Variants in CCDC47 observed in about 807,000 individuals in gnomAD.
CCDC47 encodes the protein coiled-coil domain containing 47, also known as PAT complex subunit CCDC47.
In CCDC47, 41 loss-of-function variants were observed where a neutral mutation model predicts 60.5. That is an observed-to-expected ratio of 0.68 (90% confidence interval 0.53 to 0.88). The LOEUF (loss-of-function observed/expected upper bound fraction) is 0.88, where lower values mean the gene tolerates loss of function less well. CCDC47 is among the 40% of genes least tolerant of loss of function. The pLI is 0.00. For missense variants in CCDC47, 513 were observed against 580.9 expected (o/e 0.88, Z 1.20); for synonymous variants, 195 against 190.7 (o/e 1.02, Z -0.18).
intron 6 of CCDC47, 79 bp from the exon 7 acceptor site, chr17:63,756,649 T>C (rs528755373): frequency 5.0e-5 from 47 of 935,484 alleles, no homozygotes; most frequent in Admixed American, 4.5e-4. Context: ...ACCCTTAAGA[T>C]TCCCTCCCCG....
intron 12 of CCDC47, 169 bp downstream of exon 12, chr17:63,751,771 A>G: frequency 1.4e-6 from 1 of 725,974 alleles, no homozygotes; most frequent in Non-Finnish European, 2.4e-6. Flanking sequence ...CACGGCTTGA[A>G]CAGGAAGGAT....
intron 1 of CCDC47, among the ~76,000 whole-genome samples, chr17:63,767,724 A>C (rs1325373018): frequency 6.6e-6 from 1 of 152,100 alleles, no homozygotes; most frequent in East Asian, 1.9e-4. Flanking sequence ...TTTAAAAAAA[A>C]CTTTAAAACA....
chr17:63,768,213 C>A (rs140159807), intron 1 of CCDC47, among the ~76,000 whole-genome samples: 10 of 152,334 alleles, frequency 6.6e-5, no homozygotes, highest in South Asian at 2.1e-4. Context: ...TGTACCTTCA[C>A]TAAGCATATC....
In CCDC47 at chr17:63,746,762, T is replaced by C. The variant is rs2039123301; in HGVS notation, c.*119A>G. The stretch of plus-strand genomic sequence containing the variant: ...AACAGAGTAGATGATGAAATAAGGA[T>C]TTCTCAGTTGCCCAAGACTGTCTGA... On this transcript the variant is annotated 3_prime_UTR_variant, in exon 13 of 13. Coordinates refer to ENST00000225726, the MANE Select transcript of CCDC47 (RefSeq NM_020198.3). 13 of 744,546 alleles carry C rather than the reference T, an allele frequency of 1.7e-5. No homozygotes were observed. Among genetic ancestry groups the C allele is most frequent in the Non-Finnish European group, 3.0e-5 (13 of 432,164 alleles). 46.1% of individuals were successfully genotyped at this position (744,546 alleles called of 1,614,324 possible). A position where few individuals can be genotyped will look rare whatever the true frequency, so the allele number is the denominator to read the frequency against.
intron 3 of CCDC47, 40 bp downstream of exon 3, chr17:63,764,700 T>A: frequency 1.3e-6 from 2 of 1,540,172 alleles, no homozygotes; most frequent in Non-Finnish European, 1.8e-6. Context: ...GACAAGACAT[T>A]TTGTTGTTTA....
At chr17:63,754,400 A>C in intron 9 of CCDC47, 33 bp downstream of exon 9, 3 of 1,331,140 alleles carry the variant, frequency 2.3e-6, no homozygotes, top group Non-Finnish European at 3.2e-6. Flanking sequence ...CTAGTGAGGA[A>C]AATTAATTTC....
chr17:63,752,466 G>C, intron 10 of CCDC47, 37 bp from the exon 11 acceptor site: 1 of 1,342,638 alleles, frequency 7.4e-7, no homozygotes, highest in Non-Finnish European at 1.0e-6. Flanking sequence ...TGAGTTAATG[G>C]TAGCATTAAT....
chr17:63,754,496 T>C lies in CCDC47; in HGVS notation c.971A>G (p.Tyr324Cys), dbSNP rs141041702. 1.9e-6 allele frequency: 3 copies of C among 1,608,548 alleles called. No homozygotes were observed. Among genetic ancestry groups the C allele is most frequent in the Non-Finnish European group, 2.5e-6 (3 of 1,176,950 alleles). The change falls in exon 9 of 13, where the codon TAT becomes TGT. Residue 324 changes from tyrosine (Y) to cysteine (C), a missense_variant. Transcript: ENST00000225726. ...ATGAACAGATTCAATCTTGTCAGCA[T>C]AGTGTGTAAGAAAGTGAACCATCTG... ...DTKMVHFLTH[Y>C]ADKIESVHFS...
intron 4 of CCDC47, among the ~76,000 whole-genome samples, chr17:63,763,085 TTTTTA>T (rs1384697998): frequency 1.3e-5 from 2 of 152,092 alleles, no homozygotes; most frequent in Non-Finnish European, 2.9e-5. Flanking sequence ...GACTGGCCAA[TTTTTA>T]TTTTATTTTA....
Position 63,746,985 on chromosome 17 carries a change from T to C in CCDC47, c.1372-24A>G, listed in dbSNP as rs556045997. The C allele has an allele frequency of 1.7e-5, 28 of 1,611,686 alleles. No individual in the cohort carries two copies. In the South Asian group the frequency reaches 2.8e-4, roughly 16 times the overall value. On this transcript the variant is annotated intron_variant, in intron 12 of 12. Transcript: ENST00000225726. ...TCCTAGAGAAAGAAGGGGTAATAAA[T>C]AGAGAAAGGGAGTGGGGACGAGAGA...
intron 1 of CCDC47, among the ~76,000 whole-genome samples, chr17:63,771,331 T>C (rs914878575): frequency 1.3e-5 from 2 of 152,210 alleles, no homozygotes; most frequent in Non-Finnish European, 2.9e-5. Flanking sequence ...GCATAGGTTA[T>C]ACGTAAATAC....
chr17:63,763,608 G>T (rs36003952), intron 4 of CCDC47, among the ~76,000 whole-genome samples: 431 of 151,986 alleles, frequency 2.8e-3, no homozygotes, highest in Non-Finnish European at 4.1e-3. Context: ...GGTGGACCAT[G>T]AGGTCAAGAG....
At chr17:63,772,339 C>T (rs1228572368) in intron 1 of CCDC47, among the ~76,000 whole-genome samples, 1 of 149,738 alleles carries the variant, frequency 6.7e-6, no homozygotes, top group Non-Finnish European at 1.5e-5. Context: ...CTGCAAGCTC[C>T]GCCTCCCGGG....
chr17:63,755,263 G>A (rs141032797), intron 8 of CCDC47: 15 of 982,350 alleles, frequency 1.5e-5, no homozygotes, highest in South Asian at 4.7e-5. Flanking sequence ...CACAGCGCGC[G>A]GACAAGGCTA....
At position 63,760,961 on chromosome 17, in the gene CCDC47, A is replaced by C; in HGVS notation, c.688T>G (p.Leu230Val). Reference sequence around the variant, plus strand: ...ATCATCCGGGCCAGGACATTCAGTAAGTCTTGTCTCTTGAGGAACTGAAAA... The same window carrying C: ...ATCATCCGGGCCAGGACATTCAGTACGTCTTGTCTCTTGAGGAACTGAAAA... ...IQLRFLKRQD[L>V]LNVLARMMRP... The change falls in exon 6 of 13, where the codon TTA (leucine) becomes GTA (valine). Residue 230 changes from leucine to valine, a missense_variant. Coordinates refer to ENST00000225726, the MANE Select transcript of CCDC47 (RefSeq NM_020198.3). 6.2e-7 allele frequency: 1 copy of C among 1,613,818 alleles called. No individual in the cohort carries two copies. The highest frequency in any genetic ancestry group is 1.1e-5 in the South Asian group (1 of 91,072).
At position 63,766,097 on chromosome 17, in the gene CCDC47, C is replaced by G. The variant is rs765301687; in HGVS notation, c.79G>C (p.Asp27His). 6.2e-7 allele frequency: 1 copy of G among 1,614,026 alleles called. No homozygotes were observed. ...VSEAKFDDFE[D>H]EEDIVEYDDN... The stretch of plus-strand genomic sequence containing the variant: ...TCATACTCTACTATGTCCTCCTCAT[C>G]CTCAAAATCATCAAACTTGGCTTCA... Residue 27 changes from aspartate (D) to histidine (H), a missense_variant, in exon 2 of 13, where the codon GAT (aspartate) becomes CAT (histidine). Physicochemically the swap from Asp to His is moderately conservative, Grantham distance 81. Transcript: ENST00000225726.
chr17:63,766,225 T>C lies in CCDC47; in HGVS notation c.-19-31A>G, dbSNP rs2039297552. Reference sequence around the variant, plus strand: ...AAAAAAAGAGAACCCCAAAATGGATTGCCATTCTATACATACTGATCAGAT... The same window carrying C: ...AAAAAAAGAGAACCCCAAAATGGATCGCCATTCTATACATACTGATCAGAT... On this transcript the variant is annotated intron_variant, in intron 1 of 12. Transcript: ENST00000225726. The C allele has an allele frequency of 7.7e-6, 12 of 1,568,112 alleles. No homozygotes were observed. In the East Asian group the frequency reaches 2.7e-4, roughly 35 times the overall value.
intron 6 of CCDC47, 135 bp downstream of exon 6, chr17:63,760,779 C>A: frequency 1.7e-6 from 1 of 590,262 alleles, no homozygotes; most frequent in Non-Finnish European, 3.0e-6. Flanking sequence ...GCAGAGGTTG[C>A]AGTGAGCCAA....
At chr17:63,751,319 T>C (rs906562480) in intron 12 of CCDC47, among the ~76,000 whole-genome samples, 2 of 124,504 alleles carry the variant, frequency 1.6e-5, no homozygotes, top group African/African-American at 6.4e-5. Context: ...TGAGCCAATA[T>C]TGCGCCATTG....
Sources: gnomAD v4.1 joint callset for allele counts (sites outside exome capture counted in the v4.1 genomes callset) on GRCh38, gnomAD v4.1.1 for gene constraint, MANE v1.5 for transcripts, NCBI Gene and HGNC (gene_info 2026-07-23, HGNC 2026-07-21) for gene names.